Variants in LCT observed in about 807,000 individuals in gnomAD.
LCT encodes the protein lactase/phlorizin hydrolase.
LCT carries 90 observed loss-of-function variants against 173.0 expected under a neutral mutation model. That is an observed-to-expected ratio of 0.52 (90% CI 0.44 to 0.62). LCT has a LOEUF of 0.62. LCT is among the 20% of genes least tolerant of loss of function. The pLI, the probability that LCT is intolerant of heterozygous loss-of-function variation, is 0.00. For missense variants in LCT, 1,864 were observed against 2,431.4 expected (o/e 0.77, Z 4.91); for synonymous variants, 853 against 957.6 (o/e 0.89, Z 2.02).
chr2:135,797,989 G>T (rs754045877), intron 13 of LCT, 40 bp downstream of exon 13: 1 of 1,122,034 alleles, frequency 8.9e-7, no homozygotes. Context: ...CTGTGACCCC[G>T]ACGCCCATGC....
intron 5 of LCT, 74 bp downstream of exon 5, chr2:135,821,946 A>T (rs2077836431): frequency 1.1e-6 from 1 of 897,670 alleles, no homozygotes; most frequent in African/African-American, 1.6e-5. Context: ...GTCCTATAAG[A>T]TTATACATGT....
rs907667152 is a variant in LCT, at chr2:135,788,203, G to A, written c.*121C>T. On this transcript the variant is annotated 3_prime_UTR_variant, in exon 17 of 17. Coordinates refer to ENST00000264162, the MANE Select transcript of LCT (RefSeq NM_002299.4). ...CAAGATTAAAGTCATCTCTAACGGT[G>A]CAGCAGGACTTTATGGAGAAGTCCA... 1 of 764,432 alleles carries A rather than the reference G, an allele frequency of 1.3e-6. No individual in the cohort carries two copies. Among genetic ancestry groups the A allele is most frequent in the African/African-American group, 1.7e-5 (1 of 58,274 alleles). 47.4% of individuals were successfully genotyped at this position (764,432 alleles called of 1,614,324 possible).
intron 11 of LCT, 122 bp from the exon 12 acceptor site, chr2:135,800,931 G>C: frequency 1.3e-6 from 1 of 763,996 alleles, no homozygotes; most frequent in Non-Finnish European, 2.2e-6. Context: ...TCTGACACTA[G>C]GAAAACTGGA....
intron 10 of LCT, 23 bp downstream of exon 10, chr2:135,804,744 G>C (rs761121084): frequency 9.3e-6 from 15 of 1,610,906 alleles, no homozygotes; most frequent in Non-Finnish European, 1.3e-5. Context: ...ACTTTCCCAA[G>C]GCCTTGCCAG....
At chr2:135,817,202 G>T (rs891720069) in intron 6 of LCT, 139 bp downstream of exon 6, 6 of 1,030,850 alleles carry the variant, frequency 5.8e-6, no homozygotes, top group Non-Finnish European at 8.5e-6. Flanking sequence ...ACAATTTATG[G>T]TTCCTTCCCT....
In LCT at chr2:135,829,646, A is replaced by T. The variant is rs1337120701; in HGVS notation, c.751T>A (p.Ser251Thr). Residue 251 changes from serine to threonine, a missense_variant, in exon 3 of 17, where the codon TCT becomes ACT. Physicochemically the swap from Ser to Thr is moderately conservative, Grantham distance 58. Coordinates refer to ENST00000264162, the MANE Select transcript of LCT (RefSeq NM_002299.4). ...CTTGCCTCATTTTGGCATTCATAAGACAAATCAAGAGAGAGGAAATCGACC... is the reference window on the plus strand; with the variant it reads ...CTTGCCTCATTTTGGCATTCATAAGTCAAATCAAGAGAGAGGAAATCGACC... The part of the protein sequence containing the change: ...DTVDFLSLDL[S>T]YECQNEASLR... 6.2e-7 allele frequency: 1 copy of T among 1,613,904 alleles called. No individual in the cohort carries two copies. Among genetic ancestry groups the T allele is most frequent in the East Asian group, 2.2e-5 (1 of 44,884 alleles).
Position 135,824,665 on chromosome 2 carries a change from C to T in LCT, c.805-662G>A, listed in dbSNP as rs571895183. Among the ~76,000 whole-genome samples, 9 of 152,270 alleles carry T rather than the reference C, an allele frequency of 5.9e-5. No homozygotes were observed. The South Asian group carries it at 1.9e-3, about 32-fold the overall frequency. The stretch of plus-strand genomic sequence containing the variant: ...TGGAGATGGCTTCGTAGGGGTTCAT[C>T]ATTCTTTTTACTTTTGGATGTTAGA... On this transcript the variant is annotated intron_variant, in intron 3 of 16. Transcript: ENST00000264162.
chr2:135,807,018 G>T, intron 9 of LCT, 110 bp downstream of exon 9: 1 of 1,275,278 alleles, frequency 7.8e-7, no homozygotes, highest in Non-Finnish European at 1.1e-6. Context: ...CCCCTCCATG[G>T]GTCTGCTGGA....
At chr2:135,788,758 A>G (rs1034935444) in intron 16 of LCT, among the ~76,000 whole-genome samples, 1 of 152,180 alleles carries the variant, frequency 6.6e-6, no homozygotes, top group Non-Finnish European at 1.5e-5. Flanking sequence ...CAGCAATTAG[A>G]ATACGGTTGA....
intron 12 of LCT, among the ~76,000 whole-genome samples, chr2:135,800,279 G>A (rs1038153635): frequency 6.6e-6 from 1 of 152,076 alleles, no homozygotes; most frequent in Admixed American, 6.5e-5. Context: ...CTGTCACCTG[G>A]AGTTTAATGG....
chr2:135,813,877 T>G (rs1466879367), intron 6 of LCT, among the ~76,000 whole-genome samples: 6 of 152,236 alleles, frequency 3.9e-5, no homozygotes, highest in Admixed American at 3.9e-4. Flanking sequence ...ACTTAACTCA[T>G]GCTCTTACAA....
intron 1 of LCT, among the ~76,000 whole-genome samples, chr2:135,835,509 T>C: frequency 2.8e-5 from 2 of 70,758 alleles, no homozygotes; most frequent in South Asian, 8.9e-4. Context: ...TATATATATA[T>C]ATATATATAT....
At chr2:135,824,611 A>C (rs1184673101) in intron 3 of LCT, among the ~76,000 whole-genome samples, 1 of 152,200 alleles carries the variant, frequency 6.6e-6, no homozygotes, top group Non-Finnish European at 1.5e-5. Flanking sequence ...AAAGAAGATT[A>C]GCTATGAGCC....
rs1222539196 is a variant in LCT, at chr2:135,822,067, C to A, written c.939G>T (p.Gly313=). The stretch of plus-strand genomic sequence containing the variant: ...AACTCAGAAACTCATTAATATCAAA[C>A]CCAATGGTGAGCACTTGGTCTTTAT... The part of the protein sequence containing the change: ...AINKDQVLTI[G]FDINEFLSCS... Residue 313 remains glycine (G), a synonymous_variant, in exon 5 of 17, where the codon GGG becomes GGT. Transcript: ENST00000264162. The A allele has an allele frequency of 1.2e-6, 2 of 1,608,810 alleles. No individual in the cohort carries two copies. Among genetic ancestry groups the A allele is most frequent in the Non-Finnish European group, 1.7e-6 (2 of 1,175,168 alleles).
intron 6 of LCT, among the ~76,000 whole-genome samples, chr2:135,816,871 A>T (rs1427486835): frequency 1.4e-5 from 2 of 147,062 alleles, no homozygotes; most frequent in Admixed American, 6.8e-5. Context: ...GTGATTAACA[A>T]TTTTTTTTTT....
At chr2:135,819,967 G>T (rs1031656665) in intron 5 of LCT, among the ~76,000 whole-genome samples, 31 of 152,236 alleles carry the variant, frequency 2.0e-4, no homozygotes, top group Admixed American at 5.9e-4. Flanking sequence ...CATGGAGAGG[G>T]ATTTAGCACA....
chr2:135,829,506 A>C, intron 3 of LCT, 87 bp downstream of exon 3: 1 of 988,502 alleles, frequency 1.0e-6, no homozygotes, highest in Non-Finnish European at 1.6e-6. Flanking sequence ...AGTTCAGTTT[A>C]TGCAGTAGCC....
At chr2:135,832,375 A>G (rs1575350467) in intron 2 of LCT, among the ~76,000 whole-genome samples, 1 of 151,682 alleles carries the variant, frequency 6.6e-6, no homozygotes, top group East Asian at 2.0e-4. Flanking sequence ...AGCTGTGATC[A>G]TGCCACTGCA....
chr2:135,799,531 G>A (rs1054078707), intron 12 of LCT, among the ~76,000 whole-genome samples: 6 of 150,230 alleles, frequency 4.0e-5, no homozygotes, highest in African/African-American at 1.5e-4. Context: ...AGGCTGTAGT[G>A]CAATGGTGAT....
Sources: allele counts gnomAD v4.1 joint callset (sites outside exome capture counted in the v4.1 genomes callset), GRCh38; gene constraint gnomAD v4.1.1; transcripts MANE v1.5; gene names NCBI Gene and HGNC (gene_info 2026-07-23, HGNC 2026-07-21).